The following LRRC7 variants were observed in gnomAD, a reference collection of about 807,000 sequenced individuals.
LRRC7 encodes the protein leucine rich repeat containing 7.
In LRRC7, 23 loss-of-function variants were observed where a neutral mutation model predicts 175.7. The ratio of observed to expected loss-of-function variants is 0.13; its 90% CI spans 0.09 to 0.19. The LOEUF is 0.19. Ranked by LOEUF, LRRC7 falls within the 10% of genes least tolerant of loss-of-function variation. The pLI is 1.00. For synonymous variants in LRRC7, 685 were observed against 680.9 expected, an observed-to-expected ratio of 1.01 and a Z score of -0.09; for missense variants, 1,354 against 1,904.7, an observed-to-expected ratio of 0.71 and a Z score of 5.38.
rs1245223964 is a variant in LRRC7 at position 69,781,723 on chromosome 1, GAA to G, written c.304-10318_304-10317del. On this transcript the variant is annotated intron_variant, in intron 3 of 26. Coordinates refer to ENST00000651989, the MANE Select transcript of LRRC7 (RefSeq NM_001370785.2). ...AGAAAGAAAGAAAGAAAGAAAGAAAGAAAGAAAGAAAGAGAGAGAGAGAGAGA... is the reference window on the plus strand; with the variant it reads ...AGAAAGAAAGAAAGAAAGAAAGAAAGAGAAAGAAAGAGAGAGAGAGAGAGA... Among the ~76,000 whole-genome samples, 8 of 30,672 alleles carry G rather than the reference GAA, an allele frequency of 2.6e-4. No individual in the cohort carries two copies. In the South Asian group the frequency reaches 4.3e-3, roughly 16 times the overall value. 20.1% of individuals were successfully genotyped at this position (30,672 alleles called of 152,430 possible).
chr1:69,941,404 G>A (rs1200721029), intron 8 of LRRC7, among the ~76,000 whole-genome samples: 2 of 152,006 alleles, frequency 1.3e-5, no homozygotes, highest in African/African-American at 4.8e-5. Flanking sequence ...AGACGGGTCA[G>A]GCAGTGTCAA....
intron 11 of LRRC7, among the ~76,000 whole-genome samples, chr1:70,009,984 A>T (rs1344066807): frequency 6.6e-6 from 1 of 152,098 alleles, no homozygotes; most frequent in Non-Finnish European, 1.5e-5. Flanking sequence ...AATCATCATG[A>T]CCCACTATCA....
intron 2 of LRRC7, chr1:69,716,129 T>C: frequency 2.5e-6 from 1 of 404,858 alleles, no homozygotes; most frequent in Non-Finnish European, 4.6e-6. Context: ...TTAAATTTTC[T>C]TTTTTTTTAA....
chr1:69,858,967 A>G (rs1362051625), intron 7 of LRRC7, among the ~76,000 whole-genome samples: 1 of 152,170 alleles, frequency 6.6e-6, no homozygotes, highest in Non-Finnish European at 1.5e-5. Flanking sequence ...CGAACTCAAC[A>G]GCACAGCACC....
chr1:69,595,335 G>A (rs776277623), intron 1 of LRRC7, among the ~76,000 whole-genome samples: 11 of 152,094 alleles, frequency 7.2e-5, no homozygotes, highest in Non-Finnish European at 5.9e-5. Context: ...CAGGAGAATC[G>A]CTTGAACCCA....
At chr1:69,982,970 C>T (rs1217941217) in intron 9 of LRRC7, among the ~76,000 whole-genome samples, 3 of 152,186 alleles carry the variant, frequency 2.0e-5, no homozygotes, top group South Asian at 4.1e-4. Context: ...TACTAAATTA[C>T]GCTGAAGATA....
In LRRC7 at chr1:69,830,902, C is replaced by A. The variant is rs7521495; in HGVS notation, c.501-3878C>A. On this transcript the variant is annotated intron_variant, in intron 5 of 26. Transcript: ENST00000651989. Reference sequence around the variant, plus strand: ...TTCATATAACCTATTTTTGCTGGTCCAGTTTTGTCACTGGAACCTGAAAAA... The same window carrying A: ...TTCATATAACCTATTTTTGCTGGTCAAGTTTTGTCACTGGAACCTGAAAAA... Among the ~76,000 whole-genome samples, 1,452 of 151,830 alleles carry A rather than the reference C, an allele frequency of 9.6e-3. 17 individuals carry two copies. Among genetic ancestry groups the A allele is most frequent in the African/African-American group, 0.033 (1,365 of 41,488 alleles).
At chr1:69,761,996 A>G (rs1331444770) in intron 3 of LRRC7, among the ~76,000 whole-genome samples, 1 of 151,966 alleles carries the variant, frequency 6.6e-6, no homozygotes. Context: ...AATAGAGGAC[A>G]CCCAGTTATA....
At chr1:69,630,020 CCT>C (rs1652226954) in intron 1 of LRRC7, among the ~76,000 whole-genome samples, 1 of 151,962 alleles carries the variant, frequency 6.6e-6, no homozygotes, top group Admixed American at 6.6e-5. Flanking sequence ...GTGCACCTAT[CCT>C]CTTTTTTTCC....
At chr1:69,971,313 T>C (rs1044165532) in intron 8 of LRRC7, among the ~76,000 whole-genome samples, 2 of 152,154 alleles carry the variant, frequency 1.3e-5, no homozygotes, top group East Asian at 1.9e-4. Context: ...GGCATCCAAA[T>C]TGGTAAAGAA....
intron 24 of LRRC7, among the ~76,000 whole-genome samples, chr1:70,079,075 T>G (rs773009025): frequency 3.9e-5 from 6 of 152,200 alleles, no homozygotes; most frequent in Non-Finnish European, 7.3e-5. Context: ...TAAGTTATAT[T>G]TCTTTTGAAA....
chr1:69,895,147 G>A (rs192114267), intron 7 of LRRC7, among the ~76,000 whole-genome samples: 2 of 152,136 alleles, frequency 1.3e-5, no homozygotes, highest in Non-Finnish European at 2.9e-5. Flanking sequence ...CAGGTGAATC[G>A]CTTGAACCCA....
chr1:69,578,195 T>C lies in LRRC7; in HGVS notation c.2+9554T>C, dbSNP rs530431417. 3.3e-5 allele frequency among the ~76,000 whole-genome samples: 5 copies of C among 151,508 alleles called. No individual in the cohort carries two copies. The South Asian group carries it at 1.0e-3, about 32-fold the overall frequency. On this transcript the variant is annotated intron_variant, in intron 1 of 26. Coordinates refer to ENST00000651989, the MANE Select transcript of LRRC7 (RefSeq NM_001370785.2). ...AGCCAAAAAACACGTGAAAAAATGCTCACCATCACTGGCCATCAGAGAAAT... is the reference window on the plus strand; with the variant it reads ...AGCCAAAAAACACGTGAAAAAATGCCCACCATCACTGGCCATCAGAGAAAT...
At chr1:70,060,565 A>G (rs1000114852) in intron 23 of LRRC7, among the ~76,000 whole-genome samples, 1 of 152,180 alleles carries the variant, frequency 6.6e-6, no homozygotes, top group African/African-American at 2.4e-5. Context: ...AAAGTCTGAA[A>G]TAGATGAGAG....
chr1:69,959,748 G>C (rs1424840072), intron 8 of LRRC7, among the ~76,000 whole-genome samples: 1 of 152,018 alleles, frequency 6.6e-6, no homozygotes, highest in African/African-American at 2.4e-5. Context: ...CAGAAGGAAG[G>C]ATACCTAACC....
chr1:69,759,457 G>A (rs1670796971), intron 2 of LRRC7, among the ~76,000 whole-genome samples: 1 of 151,946 alleles, frequency 6.6e-6, no homozygotes, highest in Non-Finnish European at 1.5e-5. Flanking sequence ...TAACCTAGAG[G>A]AATAGGAGAA....
At chr1:69,682,637 A>G (rs1306169477) in intron 2 of LRRC7, among the ~76,000 whole-genome samples, 1 of 152,160 alleles carries the variant, frequency 6.6e-6, no homozygotes, top group Admixed American at 6.6e-5. Context: ...GGAACCATCT[A>G]TGAACCAGAA....
chr1:69,963,751 G>A (rs914079422), intron 8 of LRRC7, among the ~76,000 whole-genome samples: 1 of 151,880 alleles, frequency 6.6e-6, no homozygotes, highest in Admixed American at 6.6e-5. Flanking sequence ...ATAGGTGGAG[G>A]GTAATGCATT....
chr1:69,625,506 C>T (rs576083561), intron 1 of LRRC7, among the ~76,000 whole-genome samples: 1 of 139,826 alleles, frequency 7.2e-6, no homozygotes, highest in South Asian at 2.3e-4. Context: ...TCCCACCTTC[C>T]TATATTTTTA....
Sources: gnomAD v4.1 joint callset for allele counts (sites outside exome capture counted in the v4.1 genomes callset) on GRCh38, gnomAD v4.1.1 for gene constraint, MANE v1.5 for transcripts, NCBI Gene and HGNC (gene_info 2026-07-23, HGNC 2026-07-21) for gene names.